Variants in KLHL1 observed in about 807,000 individuals in gnomAD.
KLHL1 encodes kelch-like protein 1.
Under a neutral mutation model 77.7 loss-of-function variants are expected in KLHL1, and 47 were observed. The ratio of observed to expected loss-of-function variants is 0.60; its 90% CI spans 0.48 to 0.77. The LOEUF (loss-of-function observed/expected upper bound fraction) is 0.77. KLHL1 is among the 30% of genes least tolerant of loss of function. The probability of loss-of-function intolerance (pLI) is 0.00; values close to 1 mark genes in which losing one functional copy is unlikely to be tolerated. For synonymous variants in KLHL1, 360 were observed against 325.2 expected (o/e 1.11, Z -1.15); for missense variants, 925 against 910.8 (o/e 1.02, Z -0.20).
chr13:70,090,518 G>A (rs149534072), intron 1 of KLHL1, among the ~76,000 whole-genome samples: 2 of 151,798 alleles, frequency 1.3e-5, no homozygotes, highest in Non-Finnish European at 2.9e-5. Context: ...TGATTGACAG[G>A]TCATTATCCT....
At chr13:69,733,758 G>A (rs967897691) in intron 8 of KLHL1, among the ~76,000 whole-genome samples, 2 of 152,126 alleles carry the variant, frequency 1.3e-5, no homozygotes, top group Admixed American at 6.6e-5. Flanking sequence ...GACAAATTAG[G>A]AAAACCACTT....
chr13:69,724,053 G>T (rs997028776), intron 8 of KLHL1, among the ~76,000 whole-genome samples: 1 of 151,886 alleles, frequency 6.6e-6, no homozygotes, highest in Non-Finnish European at 1.5e-5. Flanking sequence ...GGCCAGGATG[G>T]TCCGAACTCC....
chr13:70,015,988 G>A (rs528221757), intron 1 of KLHL1, among the ~76,000 whole-genome samples: 1 of 152,118 alleles, frequency 6.6e-6, no homozygotes, highest in Non-Finnish European at 1.5e-5. Context: ...ATTTTATTTA[G>A]AGATCAAGAA....
chr13:70,087,009 T>G (rs1313726412), intron 1 of KLHL1, among the ~76,000 whole-genome samples: 1 of 152,138 alleles, frequency 6.6e-6, no homozygotes, highest in Non-Finnish European at 1.5e-5. Flanking sequence ...TCATGATTTG[T>G]GTGAATCATG....
At chr13:69,822,907 A>C (rs1878393958) in intron 6 of KLHL1, among the ~76,000 whole-genome samples, 1 of 152,164 alleles carries the variant, frequency 6.6e-6, no homozygotes, top group South Asian at 2.1e-4. Context: ...TTTAAAATAT[A>C]CATGTGCAAT....
intron 1 of KLHL1, among the ~76,000 whole-genome samples, chr13:70,007,797 G>T (rs188215275): frequency 2.8e-4 from 43 of 151,904 alleles, no homozygotes; most frequent in Admixed American, 3.3e-4. Context: ...AAACACAGAG[G>T]TCTCTGTACC....
intron 9 of KLHL1, among the ~76,000 whole-genome samples, chr13:69,717,085 G>A (rs1023328627): frequency 1.3e-5 from 2 of 152,048 alleles, no homozygotes; most frequent in Non-Finnish European, 2.9e-5. Flanking sequence ...GACAGCCTGA[G>A]TGCAAACAAT....
chr13:69,871,131 G>A (rs986172701), intron 5 of KLHL1, among the ~76,000 whole-genome samples: 1 of 152,080 alleles, frequency 6.6e-6, no homozygotes, highest in African/African-American at 2.4e-5. Flanking sequence ...TCCATTGTGG[G>A]CACTTGCAGA....
At chr13:69,870,862 T>C (rs1396905087) in intron 5 of KLHL1, among the ~76,000 whole-genome samples, 1 of 151,936 alleles carries the variant, frequency 6.6e-6, no homozygotes, top group South Asian at 2.1e-4. Flanking sequence ...TGGGCTCTCA[T>C]GGTCTTGTGG....
chr13:69,760,521 A>G (rs1298806562), intron 7 of KLHL1, among the ~76,000 whole-genome samples: 1 of 151,864 alleles, frequency 6.6e-6, no homozygotes, highest in Non-Finnish European at 1.5e-5. Flanking sequence ...ACACCCGGCT[A>G]ATTTTTTATT....
At chr13:69,794,552 GGA>G (rs1877018759) in intron 7 of KLHL1, among the ~76,000 whole-genome samples, 2 of 146,164 alleles carry the variant, frequency 1.4e-5, no homozygotes, top group South Asian at 2.3e-4. Context: ...CAGAGAAAGA[GGA>G]GAGAGAGATT....
At position 69,997,280 on chromosome 13, in the gene KLHL1, T is replaced by C. The variant is rs1322803945; in HGVS notation, c.498-21478A>G. ...ATTTTATTCAAATTTTATTTTTTCT[T>C]TTTTATTTTTAATTAGTTAATATTT... is the stretch of plus-strand genomic sequence containing the variant. On this transcript the variant is annotated intron_variant, in intron 1 of 10. Transcript: ENST00000377844. Among the ~76,000 whole-genome samples, 4 of 151,942 alleles carry C rather than the reference T, an allele frequency of 2.6e-5. 1 individual carries two copies. The highest frequency in any genetic ancestry group is 4.1e-4 in the South Asian group (2 of 4,828).
At chr13:69,723,895 T>C (rs112508820) in intron 8 of KLHL1, among the ~76,000 whole-genome samples, 3,162 of 150,436 alleles carry the variant, frequency 0.021, 121 homozygotes, top group African/African-American at 0.074. Flanking sequence ...CAGGCTGGAA[T>C]GCAGTGATCT....
intron 1 of KLHL1, among the ~76,000 whole-genome samples, chr13:70,078,627 G>T (rs1258861340): frequency 6.6e-6 from 1 of 152,090 alleles, no homozygotes; most frequent in African/African-American, 2.4e-5. Context: ...ACATTTGAGA[G>T]TCTTAGCCTC....
chr13:69,988,067 A>G (rs1003285061), intron 1 of KLHL1, among the ~76,000 whole-genome samples: 22 of 151,884 alleles, frequency 1.4e-4, no homozygotes, highest in Admixed American at 1.2e-3. Flanking sequence ...AGGTACAAGC[A>G]TAATACTAAA....
intron 1 of KLHL1, among the ~76,000 whole-genome samples, chr13:70,049,002 C>G (rs1886568298): frequency 6.6e-6 from 1 of 152,154 alleles, no homozygotes; most frequent in South Asian, 2.1e-4. Context: ...AGTATACTTT[C>G]TCTTGAACAG....
chr13:69,703,383 G>A (rs1308730670), intron 10 of KLHL1, among the ~76,000 whole-genome samples: 6 of 151,172 alleles, frequency 4.0e-5, no homozygotes, highest in Admixed American at 6.6e-5. Flanking sequence ...CAATGTGTTT[G>A]TGCTTTAATG....
Position 70,026,013 on chromosome 13 carries a change from T to C in KLHL1, c.498-50211A>G, listed in dbSNP as rs117989626. 6.2e-3 allele frequency among the ~76,000 whole-genome samples: 950 copies of C among 152,198 alleles called. 7 individuals carry two copies. Among genetic ancestry groups the C allele is most frequent in the Non-Finnish European group, 0.011 (734 of 67,986 alleles). On this transcript the variant is annotated intron_variant, in intron 1 of 10. Transcript: ENST00000377844. The stretch of plus-strand genomic sequence containing the variant: ...TCTCCTCACATTGACCTTCCATTTG[T>C]GGTAATCCAATATGCCCTGCTCACT...
chr13:69,722,252 C>A (rs1873098820), intron 8 of KLHL1, among the ~76,000 whole-genome samples: 1 of 151,628 alleles, frequency 6.6e-6, no homozygotes, highest in Non-Finnish European at 1.5e-5. Context: ...TTATTTGAAC[C>A]AAATATTGTT....
Sources: allele counts gnomAD v4.1 joint callset (sites outside exome capture counted in the v4.1 genomes callset), GRCh38; gene constraint gnomAD v4.1.1; transcripts MANE v1.5; gene names NCBI Gene and HGNC (gene_info 2026-07-23, HGNC 2026-07-21).